CHD8: variants seen among roughly 807,000 people sequenced by gnomAD.
The protein encoded by CHD8 is chromodomain helicase DNA binding protein 8, also known as ATP-dependent chromatin remodeler CHD8.
In CHD8, 31 loss-of-function variants were observed where a neutral mutation model predicts 279.2. The observed-to-expected ratio is 0.11, with a 90% CI of 0.08 to 0.15. CHD8 has a LOEUF of 0.15. Ranked by LOEUF, CHD8 falls within the 10% of genes least tolerant of loss-of-function variation. The pLI, the probability that CHD8 is intolerant of heterozygous loss-of-function variation, is 1.00. For synonymous variants in CHD8, 1,081 were observed against 1,139.6 expected, an observed-to-expected ratio of 0.95 and a Z score of 1.04; for missense variants, 2,146 against 3,230.5, an observed-to-expected ratio of 0.66 and a Z score of 8.14.
At position 21,431,747 on chromosome 14, in the gene CHD8, A is replaced by G. The variant is rs1889573117; in HGVS notation, c.-104T>C. 8 of 1,612,852 alleles carry G rather than the reference A, an allele frequency of 5.0e-6. No individual in the cohort carries two copies. Among genetic ancestry groups the G allele is most frequent in the Admixed American group, 1.7e-5 (1 of 59,992 alleles). On this transcript the variant is annotated 5_prime_UTR_variant, in exon 2 of 38. Coordinates refer to ENST00000646647, the MANE Select transcript of CHD8 (RefSeq NM_001170629.2). ...CCCCTATTAAGAAAAAAATGTACAC[A>G]ATGTAAGAGGACTACTCTTCAAGTA...
intron 9 of CHD8, chr14:21,414,020 C>G (rs1336643165): frequency 2.1e-5 from 6 of 292,392 alleles, no homozygotes; most frequent in Non-Finnish European, 3.8e-5. Context: ...AAGAATGCCT[C>G]AAGTGGACCA....
At position 21,400,825 on chromosome 14, in the gene CHD8, A is replaced by G; in HGVS notation, c.4370+50T>C. 6.7e-7 allele frequency: 1 copy of G among 1,494,198 alleles called. No individual in the cohort carries two copies. The highest frequency in any genetic ancestry group is 9.0e-7 in the Non-Finnish European group (1 of 1,109,652). The allele number at this position is 1,494,198 out of a possible 1,614,324, so 92.6% of individuals were successfully genotyped here. On this transcript the variant is annotated intron_variant, in intron 22 of 37. Transcript: ENST00000646647. The surrounding 1 kb of genome is among the most constrained non-coding windows in gnomAD (Gnocchi z 4.2). ...GAAAGGCAAACCAAGAGTATCTATCAGGATGGAGATGCACTATGCACTACC... is the reference window on the plus strand; with the variant it reads ...GAAAGGCAAACCAAGAGTATCTATCGGGATGGAGATGCACTATGCACTACC...
chr14:21,422,135 G>C (rs1181896880), intron 5 of CHD8, among the ~76,000 whole-genome samples: 2 of 152,190 alleles, frequency 1.3e-5, no homozygotes, highest in Non-Finnish European at 1.5e-5. Context: ...GAGGTCAAAA[G>C]ATTGAGACCA....
At position 21,428,166 on chromosome 14, in the gene CHD8, C is replaced by A. The variant is rs981047475; in HGVS notation, c.1304G>T (p.Ser435Ile). The A allele has an allele frequency of 4.3e-6, 7 of 1,614,002 alleles. No homozygotes were observed. In the South Asian group the frequency reaches 6.6e-5, roughly 15 times the overall value. ...SEVAALSSPASSAPHSGGKTG... is the reference protein window; with the variant it reads ...SEVAALSSPAISAPHSGGKTG... The stretch of plus-strand genomic sequence containing the variant: ...CTTTCCCCCCGAATGAGGAGCAGAG[C>A]TTGCTGGTGATGACAAAGCTGCCAC... The change falls in exon 4 of 38, where the codon AGC becomes ATC. Residue 435 changes from serine to isoleucine, a missense_variant. This residue lies in a region of CHD8 where 170 missense variants were observed against 189.9 expected (regional missense o/e 0.90). Transcript: ENST00000646647.
chr14:21,444,425 TA>T (rs1043499748), intron 1 of CHD8, among the ~76,000 whole-genome samples: 10 of 152,230 alleles, frequency 6.6e-5, no homozygotes, highest in Non-Finnish European at 1.5e-5. Flanking sequence ...CCCTTTATAT[TA>T]AATCTAATTT....
chr14:21,393,758 C>G lies in CHD8; in HGVS notation c.6037G>C (p.Ala2013Pro). 1 of 1,613,932 alleles carries G rather than the reference C, an allele frequency of 6.2e-7. No homozygotes were observed. The highest frequency in any genetic ancestry group is 1.1e-5 in the South Asian group (1 of 91,074). Residue 2013 changes from alanine (A) to proline (P), a missense_variant, in exon 32 of 38, where the codon GCT (alanine) becomes CCT (proline). Coordinates refer to ENST00000646647, the MANE Select transcript of CHD8 (RefSeq NM_001170629.2). Reference sequence around the variant, plus strand: ...CTCTCCAGACTGGGGACCTGGGTAGCTGTCTCCTCGGGTGACTTTTCAACA... The same window carrying G: ...CTCTCCAGACTGGGGACCTGGGTAGGTGTCTCCTCGGGTGACTTTTCAACA... ...APVEKSPEET[A>P]TQVPSLESLT...
In CHD8 at chr14:21,408,688, C is replaced by T. The variant is rs1888355370; in HGVS notation, c.2486+16G>A. 6.2e-7 allele frequency: 1 copy of T among 1,606,942 alleles called. No homozygotes were observed. Among genetic ancestry groups the T allele is most frequent in the Non-Finnish European group, 8.5e-7 (1 of 1,176,756 alleles). ...CAGAACTAAGCTTACATCTTATGGC[C>T]CATTCTTTCCTTTACCTGTTATACC... On this transcript the variant is annotated intron_variant, in intron 12 of 37. Coordinates refer to ENST00000646647, the MANE Select transcript of CHD8 (RefSeq NM_001170629.2). The surrounding 1 kb of genome is among the most constrained non-coding windows in gnomAD (Gnocchi z 4.3).
intron 1 of CHD8, among the ~76,000 whole-genome samples, chr14:21,447,534 G>A (rs1181134839): frequency 6.6e-6 from 1 of 152,022 alleles, no homozygotes; most frequent in African/African-American, 2.4e-5. Context: ...ACCACGTCTA[G>A]CTAATTTTTG....
chr14:21,447,373 C>CTTT (rs773145515), intron 1 of CHD8, among the ~76,000 whole-genome samples: 2 of 141,306 alleles, frequency 1.4e-5, no homozygotes, highest in Non-Finnish European at 1.6e-5. Flanking sequence ...CACTATATCC[C>CTTT]TTTTTTTTTT....
intron 10 of CHD8, among the ~76,000 whole-genome samples, chr14:21,410,944 T>C (rs1888467008): frequency 6.6e-6 from 1 of 152,210 alleles, no homozygotes; most frequent in Admixed American, 6.5e-5. Flanking sequence ...ATAATATCTA[T>C]TTATTTCCAC....
intron 1 of CHD8, among the ~76,000 whole-genome samples, chr14:21,441,944 T>C (rs1291291113): frequency 6.6e-6 from 1 of 152,094 alleles, no homozygotes; most frequent in East Asian, 1.9e-4. Flanking sequence ...GCCTATAGTA[T>C]GTTAAGTAGT....
At chr14:21,439,535 G>A (rs1412240799) in intron 1 of CHD8, among the ~76,000 whole-genome samples, 1 of 152,196 alleles carries the variant, frequency 6.6e-6, no homozygotes. Flanking sequence ...ATGAAACTAA[G>A]TGGCAAGTTA....
Position 21,407,583 on chromosome 14 carries a change from A to G in CHD8, c.2731-551T>C, listed in dbSNP as rs75044803. ...ATGGATAATTCCAATTTTGTTTTCA[A>G]ATTTACATGGAAAAAGGAACTGATC... On this transcript the variant is annotated intron_variant, in intron 13 of 37. Transcript: ENST00000646647. 9.6e-3 allele frequency among the ~76,000 whole-genome samples: 1,464 copies of G among 152,302 alleles called. 26 individuals carry two copies. Among genetic ancestry groups the G allele is most frequent in the African/African-American group, 0.033 (1,363 of 41,560 alleles).
At position 21,393,204 on chromosome 14, in the gene CHD8, T is replaced by C. The variant is rs1035447402; in HGVS notation, c.6370A>G (p.Thr2124Ala). 3 of 1,613,902 alleles carry C rather than the reference T, an allele frequency of 1.9e-6. No individual in the cohort carries two copies. The highest frequency in any genetic ancestry group is 1.6e-4 in the Middle Eastern group (1 of 6,062). Residue 2124 changes from threonine to alanine, a missense_variant, in exon 33 of 38, where the codon ACT (threonine) becomes GCT (alanine). Physicochemically the swap from Thr to Ala is moderately conservative, Grantham distance 58. Around this residue, in one of 26 missense-constraint regions of CHD8, gnomAD observed 513 missense variants for 637.6 expected, o/e 0.80. Coordinates refer to ENST00000646647, the MANE Select transcript of CHD8 (RefSeq NM_001170629.2). Reference sequence around the variant, plus strand: ...TTTGGGAATCCATCTTGGGACATAGTGAGGGACAGGAGACTCTCTTCATCA... The same window carrying C: ...TTTGGGAATCCATCTTGGGACATAGCGAGGGACAGGAGACTCTCTTCATCA... ...LYDEESLLSL[T>A]MSQDGFPNED...
intron 1 of CHD8, chr14:21,437,308 T>C: frequency 3.6e-6 from 4 of 1,120,256 alleles, no homozygotes; most frequent in South Asian, 1.8e-5. Flanking sequence ...CATCATTGGC[T>C]GAAGCGCACT....
At chr14:21,448,503 A>ATACC (rs745487407) in intron 1 of CHD8, among the ~76,000 whole-genome samples, 10 of 152,192 alleles carry the variant, frequency 6.6e-5, no homozygotes, top group South Asian at 4.1e-4. Context: ...AGGCTACTGA[A>ATACC]TACCTACCTG....
intron 10 of CHD8, 94 bp downstream of exon 10, chr14:21,412,819 A>T: frequency 3.9e-6 from 3 of 764,690 alleles, no homozygotes; most frequent in South Asian, 1.5e-5. Flanking sequence ...AGTCCAAGGG[A>T]TTCTGCATCC....
chr14:21,393,631 G>A lies in CHD8; in HGVS notation c.6164C>T (p.Ser2055Phe). ...CAGTTTGACTGGTGGAACACTCCGG[G>A]AAACCAGAGGGGTAGTATCAGAGGG... The part of the protein sequence containing the change: ...VSPSDTTPLV[S>F]RSVPPVKLED... Residue 2055 changes from serine (S) to phenylalanine (F), a missense_variant, in exon 32 of 38, where the codon TCC becomes TTC. Physicochemically the swap from Ser to Phe is radical, Grantham distance 155. This residue lies in a region of CHD8 where 513 missense variants were observed against 637.6 expected (regional missense o/e 0.80). Coordinates refer to ENST00000646647, the MANE Select transcript of CHD8 (RefSeq NM_001170629.2). The A allele has an allele frequency of 6.2e-7, 1 of 1,613,972 alleles. No homozygotes were observed. Among genetic ancestry groups the A allele is most frequent in the Non-Finnish European group, 8.5e-7 (1 of 1,179,876 alleles).
In CHD8 at chr14:21,403,326, T is replaced by G; in HGVS notation, c.3519-114A>C. 2 of 1,283,420 alleles carry G rather than the reference T, an allele frequency of 1.6e-6. No individual in the cohort carries two copies. The highest frequency in any genetic ancestry group is 2.2e-6 in the Non-Finnish European group (2 of 926,132). 79.5% of individuals were successfully genotyped at this position (1,283,420 alleles called of 1,614,324 possible). ...TATCAAAGCTGGTCAAAAACCCAAG[T>G]TGAGAGTGAGAATCTTAAAAACTTC... is the stretch of plus-strand genomic sequence containing the variant. On this transcript the variant is annotated intron_variant, in intron 17 of 37. Transcript: ENST00000646647. This position sits in a 1 kb window ranked among gnomAD's most constrained non-coding sequence, Gnocchi z 4.3.
Sources: gnomAD v4.1 joint callset for allele counts (sites outside exome capture counted in the v4.1 genomes callset) on GRCh38, gnomAD v4.1.1 for gene constraint, gnomAD v4.1.1 regional missense constraint, Gnocchi (gnomAD v3.1) non-coding constraint, MANE v1.5 for transcripts, NCBI Gene and HGNC (gene_info 2026-07-23, HGNC 2026-07-21) for gene names.